The following BAG4 variants were observed in gnomAD, a reference collection of about 807,000 sequenced individuals.
The protein encoded by BAG4 is BAG cochaperone 4.
A neutral mutation model predicts 52.1 loss-of-function variants in BAG4; 28 were observed. The observed-to-expected ratio is 0.54, with a 90% confidence interval of 0.40 to 0.74. BAG4 has a LOEUF of 0.74. Ranked by LOEUF, BAG4 falls within the 30% of genes least tolerant of loss-of-function variation. BAG4 has a pLI of 0.00. For synonymous variants in BAG4, 208 were observed against 217.0 expected (o/e 0.96, Z 0.37); for missense variants, 525 against 572.0 (o/e 0.92, Z 0.84).
chr8:38,196,110 C>T (rs377261162), intron 2 of BAG4, among the ~76,000 whole-genome samples: 4 of 152,196 alleles, frequency 2.6e-5, no homozygotes, highest in South Asian at 2.1e-4. Flanking sequence ...GGTTGTCTTT[C>T]GTTTTTGTCT....
Position 38,209,118 on chromosome 8 carries a change from G to A in BAG4, c.739G>A (p.Gly247Ser). Residue 247 changes from glycine to serine, a missense_variant, in exon 4 of 5, where the codon GGT (glycine) becomes AGT (serine). Gly to Ser is a moderately conservative substitution (Grantham distance 56). Around this residue, in one of 2 missense-constraint regions of BAG4, gnomAD observed 238 missense variants for 305.8 expected, o/e 0.78. Transcript: ENST00000287322. Reference protein sequence around the residue: ...RPQEDAWASPGAYGMGGRYPW... With the variant: ...RPQEDAWASPSAYGMGGRYPW... The stretch of plus-strand genomic sequence containing the variant: ...ACAAGAAGATGCGTGGGCTTCTCCT[G>A]GTGCTTATGGAATGGGTGGCCGTTA... 6.2e-7 allele frequency: 1 copy of A among 1,614,116 alleles called. No homozygotes were observed. The highest frequency in any genetic ancestry group is 1.6e-4 in the Middle Eastern group (1 of 6,062).
chr8:38,185,851 C>T (rs1411173688), intron 1 of BAG4, among the ~76,000 whole-genome samples: 3 of 152,196 alleles, frequency 2.0e-5, no homozygotes, highest in Non-Finnish European at 2.9e-5. Flanking sequence ...GTGTGAGCCA[C>T]CGCGCCTGGC....
At chr8:38,193,285 G>C (rs1391578889) in intron 2 of BAG4, among the ~76,000 whole-genome samples, 1 of 151,774 alleles carries the variant, frequency 6.6e-6, no homozygotes, top group Non-Finnish European at 1.5e-5. Flanking sequence ...TGGGTGTGGT[G>C]GTGGGCGCCT....
At chr8:38,187,866 CAAAAAAAAAA>C (rs35690753) in intron 1 of BAG4, among the ~76,000 whole-genome samples, 2 of 56,112 alleles carry the variant, frequency 3.6e-5, no homozygotes, top group African/African-American at 1.5e-4. Context: ...ACTAAAAATA[CAAAAAAAAAA>C]AAAAAAAAAA....
chr8:38,185,244 TATAAA>T (rs1754582363), intron 1 of BAG4, among the ~76,000 whole-genome samples: 1 of 152,174 alleles, frequency 6.6e-6, no homozygotes, highest in South Asian at 2.1e-4. Context: ...AGGGCAGAAT[TATAAA>T]ATAAGTATTT....
rs146994477 is a variant in BAG4, at chr8:38,180,688, C to T, written c.270+3549C>T. On this transcript the variant is annotated intron_variant, in intron 1 of 4. Coordinates refer to ENST00000287322, the MANE Select transcript of BAG4 (RefSeq NM_004874.4). Reference sequence around the variant, plus strand: ...ATAGGAACCTTTTATAACCTTGCTACTCAAAAAGTGTGGTCCATGGACTAG... The same window carrying T: ...ATAGGAACCTTTTATAACCTTGCTATTCAAAAAGTGTGGTCCATGGACTAG... Among the ~76,000 whole-genome samples the T allele has an allele frequency of 7.3e-4, 111 of 152,006 alleles. 2 individuals carry two copies. In the East Asian group the frequency reaches 0.02, roughly 27 times the overall value.
chr8:38,208,735 C>T (rs1021395298), intron 3 of BAG4, among the ~76,000 whole-genome samples: 2 of 152,126 alleles, frequency 1.3e-5, no homozygotes, highest in African/African-American at 4.8e-5. Flanking sequence ...TTTATAGTAT[C>T]TATGGGACAG....
At chr8:38,208,020 T>C (rs1803801833) in intron 3 of BAG4, among the ~76,000 whole-genome samples, 1 of 145,758 alleles carries the variant, frequency 6.9e-6, no homozygotes, top group Non-Finnish European at 1.5e-5. Context: ...ATCTTAGCCT[T>C]TTTTTTTTTT....
At chr8:38,182,614 TAAA>T (rs1454387329) in intron 1 of BAG4, among the ~76,000 whole-genome samples, 1 of 152,210 alleles carries the variant, frequency 6.6e-6, no homozygotes, top group Non-Finnish European at 1.5e-5. Context: ...ATTCAACAAA[TAAA>T]AAGTTTGGAA....
rs1197372436 is a variant in BAG4 at position 38,212,890 on chromosome 8, A to G, written c.*2397A>G. ...TGGCAGTTACTACTGTGGTGTTCTAATGGTGATTTTCTATTTCTCTCAATC... is the reference window on the plus strand; with the variant it reads ...TGGCAGTTACTACTGTGGTGTTCTAGTGGTGATTTTCTATTTCTCTCAATC... On this transcript the variant is annotated 3_prime_UTR_variant, in exon 5 of 5. Transcript: ENST00000287322. 6.6e-6 allele frequency: 1 copy of G among 152,148 alleles called. No individual in the cohort carries two copies. The highest frequency in any genetic ancestry group is 2.4e-5 in the African/African-American group (1 of 41,414). 9.4% of individuals were successfully genotyped at this position (152,148 alleles called of 1,614,324 possible). A position where few individuals can be genotyped will look rare whatever the true frequency, so the allele number is the denominator to read the frequency against.
At chr8:38,187,892 C>T (rs1267934527) in intron 1 of BAG4, among the ~76,000 whole-genome samples, 1 of 147,498 alleles carries the variant, frequency 6.8e-6, no homozygotes, top group Admixed American at 6.8e-5. Context: ...AAAAAATTAG[C>T]CGGGCGTGGT....
chr8:38,206,301 C>T (rs886131148), intron 2 of BAG4, among the ~76,000 whole-genome samples: 1 of 151,400 alleles, frequency 6.6e-6, no homozygotes, highest in African/African-American at 2.4e-5. Context: ...GTGATCCTCC[C>T]TTCTCAGCCT....
chr8:38,199,758 C>T (rs762800209), intron 2 of BAG4, among the ~76,000 whole-genome samples: 7 of 152,012 alleles, frequency 4.6e-5, no homozygotes, highest in Admixed American at 1.3e-4. Context: ...CTCCTGACCT[C>T]GTGGTCCACC....
At chr8:38,200,700 G>C (rs895894551) in intron 2 of BAG4, among the ~76,000 whole-genome samples, 15 of 152,040 alleles carry the variant, frequency 9.9e-5, no homozygotes, top group African/African-American at 3.6e-4. Flanking sequence ...CCGAGTTCAA[G>C]CCATTCTCCT....
intron 2 of BAG4, among the ~76,000 whole-genome samples, chr8:38,200,160 T>G (rs139647559): frequency 2.6e-5 from 4 of 152,040 alleles, no homozygotes; most frequent in African/African-American, 4.8e-5. Flanking sequence ...GCTGCCACCA[T>G]GCCGGGCTAA....
At chr8:38,180,185 A>G (rs1803237342) in intron 1 of BAG4, among the ~76,000 whole-genome samples, 1 of 152,208 alleles carries the variant, frequency 6.6e-6, no homozygotes, top group South Asian at 2.1e-4. Context: ...CTTTAAAAGT[A>G]TAGGATGGTA....
intron 2 of BAG4, among the ~76,000 whole-genome samples, chr8:38,198,253 A>G (rs1432635657): frequency 2.7e-5 from 4 of 150,578 alleles, no homozygotes; most frequent in Non-Finnish European, 4.4e-5. Flanking sequence ...GCGAGGTGGC[A>G]GTCGCCTGTA....
chr8:38,178,803 G>C lies in BAG4; in HGVS notation c.270+1664G>C, dbSNP rs184014957. On this transcript the variant is annotated intron_variant, in intron 1 of 4. Transcript: ENST00000287322. ...GGTTGCCAGAGGTTGGGGGACTGGC[G>C]GTGTAGGTGAGAATATTCTTTTTGG... 1.2e-3 allele frequency among the ~76,000 whole-genome samples: 190 copies of C among 152,180 alleles called. 1 individual carries two copies. Among genetic ancestry groups the C allele is most frequent in the African/African-American group, 4.2e-3 (175 of 41,522 alleles).
rs757197258 is a variant in BAG4, at chr8:38,207,537, C to T, written c.404C>T (p.Ala135Val). Residue 135 changes from alanine to valine, a missense_variant, in exon 3 of 5, where the codon GCG (alanine) becomes GTG (valine). By Grantham distance (64) the Ala-to-Val change is moderately conservative. This residue lies in a region of BAG4 where 287 missense variants were observed against 266.1 expected (regional missense o/e 1.08). Transcript: ENST00000287322. ...GQSLNSYTNGAYGPTYPPGPG... is the reference protein window; with the variant it reads ...GQSLNSYTNGVYGPTYPPGPG... ...AGTTTGAATTCTTATACAAATGGAG[C>T]GTATGGTCCAACATACCCCCCAGGC... 8.7e-6 allele frequency: 14 copies of T among 1,613,038 alleles called. No homozygotes were observed. The East Asian group carries it at 1.6e-4, about 18-fold the overall frequency.
Sources: allele counts gnomAD v4.1 joint callset (sites outside exome capture counted in the v4.1 genomes callset), GRCh38; gene constraint gnomAD v4.1.1; regional missense constraint gnomAD v4.1.1; transcripts MANE v1.5; gene names NCBI Gene and HGNC (gene_info 2026-07-23, HGNC 2026-07-21).